Variants in PCDH9 observed in about 807,000 individuals in gnomAD.
PCDH9 encodes the protein protocadherin 9.
PCDH9 carries 24 observed loss-of-function variants against 70.6 expected under a neutral mutation model. The observed-to-expected ratio is 0.34, with a 90% CI of 0.25 to 0.48. The LOEUF (loss-of-function observed/expected upper bound fraction) is 0.48. Among genes scored for constraint, PCDH9 ranks in the 20% least tolerant of loss-of-function variants. PCDH9 has a pLI of 0.99. For missense variants in PCDH9, 1,281 were observed against 1,503.6 expected (o/e 0.85, Z 2.45); for synonymous variants, 562 against 558.5 (o/e 1.01, Z -0.09).
At chr13:67,170,677 C>T (rs1424498947) in intron 2 of PCDH9, among the ~76,000 whole-genome samples, 1 of 152,178 alleles carries the variant, frequency 6.6e-6, no homozygotes, top group East Asian at 1.9e-4. Flanking sequence ...GTAATCCCAG[C>T]ACTTTGGGAG....
chr13:66,412,594 T>TC (rs933141056), intron 4 of PCDH9, among the ~76,000 whole-genome samples: 1 of 152,204 alleles, frequency 6.6e-6, no homozygotes. Flanking sequence ...AACACTTTTT[T>TC]CCCCTCAGTG....
intron 2 of PCDH9, among the ~76,000 whole-genome samples, chr13:67,077,780 A>T (rs917802516): frequency 1.4e-4 from 21 of 152,156 alleles, no homozygotes; most frequent in African/African-American, 4.3e-4. Flanking sequence ...TACCACTAAC[A>T]TTGAGGTCAT....
intron 2 of PCDH9, among the ~76,000 whole-genome samples, chr13:67,084,066 C>T (rs1157905389): frequency 6.6e-6 from 1 of 152,120 alleles, no homozygotes; most frequent in Non-Finnish European, 1.5e-5. Context: ...AAATTTCAGG[C>T]ACTAGCTTGC....
chr13:67,057,128 G>T (rs1281713516), intron 2 of PCDH9, among the ~76,000 whole-genome samples: 1 of 152,054 alleles, frequency 6.6e-6, no homozygotes, highest in African/African-American at 2.4e-5. Flanking sequence ...CTCAACTCAG[G>T]ACACACTATT....
chr13:67,094,382 G>A (rs1172406847), intron 2 of PCDH9, among the ~76,000 whole-genome samples: 1 of 152,124 alleles, frequency 6.6e-6, no homozygotes, highest in Non-Finnish European at 1.5e-5. Flanking sequence ...TATGTAGGTA[G>A]CTCTGCAAAG....
chr13:66,589,382 T>C (rs901189431), intron 4 of PCDH9, among the ~76,000 whole-genome samples: 3 of 152,060 alleles, frequency 2.0e-5, no homozygotes, highest in Admixed American at 6.6e-5. Flanking sequence ...AAGGAGGATA[T>C]ATTTATGATG....
At chr13:66,632,085 G>A (rs2077579045) in intron 3 of PCDH9, among the ~76,000 whole-genome samples, 2 of 152,064 alleles carry the variant, frequency 1.3e-5, no homozygotes, top group African/African-American at 2.4e-5. Context: ...AGTAGAGATG[G>A]GGTTTCACCA....
intron 4 of PCDH9, among the ~76,000 whole-genome samples, chr13:66,617,533 TC>T (rs1488116542): frequency 2.0e-5 from 3 of 152,242 alleles, no homozygotes; most frequent in Admixed American, 2.0e-4. Context: ...AGAGTTAATT[TC>T]CCAAACCTTA....
At chr13:67,206,158 A>AGTTTTTTTTTTTGTTT (rs1293302855) in intron 2 of PCDH9, 1 of 151,720 alleles carries the variant, frequency 6.6e-6, no homozygotes, top group African/African-American at 2.4e-5. Context: ...ATACTGTTAA[A>AGTTTTTTTTTTTGTTT]GTTTTTTTTT....
intron 4 of PCDH9, among the ~76,000 whole-genome samples, chr13:66,614,649 CCAG>C (rs1235478332): frequency 6.6e-6 from 1 of 152,106 alleles, no homozygotes; most frequent in African/African-American, 2.4e-5. Flanking sequence ...CCTGAAGTGT[CCAG>C]AAAAGAGAGG....
chr13:66,439,473 A>G (rs192382276), intron 4 of PCDH9, among the ~76,000 whole-genome samples: 4 of 152,312 alleles, frequency 2.6e-5, no homozygotes, highest in African/African-American at 4.8e-5. Flanking sequence ...ACTATTCAAG[A>G]TGATGGATAT....
intron 2 of PCDH9, among the ~76,000 whole-genome samples, chr13:66,904,723 T>G (rs2082331624): frequency 6.6e-6 from 1 of 152,024 alleles, no homozygotes; most frequent in Admixed American, 6.6e-5. Context: ...CAAATGTGTT[T>G]TAGAATTTTA....
chr13:66,336,873 G>A (rs1237065845), intron 4 of PCDH9, among the ~76,000 whole-genome samples: 4 of 152,022 alleles, frequency 2.6e-5, no homozygotes, highest in Non-Finnish European at 5.9e-5. Flanking sequence ...AATATAGGCA[G>A]TTGGATTAAA....
At chr13:66,812,684 G>A (rs1043098065) in intron 3 of PCDH9, among the ~76,000 whole-genome samples, 1 of 152,174 alleles carries the variant, frequency 6.6e-6, no homozygotes, top group Non-Finnish European at 1.5e-5. Context: ...TTGTTTCCAT[G>A]AGCAGTAACA....
At chr13:66,499,930 C>T (rs1959167878) in intron 4 of PCDH9, among the ~76,000 whole-genome samples, 2 of 152,294 alleles carry the variant, frequency 1.3e-5, no homozygotes, top group East Asian at 1.9e-4. Context: ...GCCTGCCCAT[C>T]CTTTCCCTTC....
intron 4 of PCDH9, among the ~76,000 whole-genome samples, chr13:66,470,617 T>C (rs1043011666): frequency 6.6e-6 from 1 of 151,346 alleles, no homozygotes; most frequent in Non-Finnish European, 1.5e-5. Context: ...TTGTCTATGA[T>C]GAGGTACAAA....
intron 4 of PCDH9, among the ~76,000 whole-genome samples, chr13:66,570,108 A>G (rs1234511751): frequency 6.6e-6 from 1 of 152,132 alleles, no homozygotes; most frequent in African/African-American, 2.4e-5. Context: ...ACATTCAACC[A>G]CTTGGACAAA....
intron 2 of PCDH9, among the ~76,000 whole-genome samples, chr13:67,126,878 T>C (rs1450031948): frequency 6.6e-6 from 1 of 152,162 alleles, no homozygotes; most frequent in African/African-American, 2.4e-5. Flanking sequence ...TAGGGATGTC[T>C]ATAGGCAAAA....
chr13:66,308,293 T>C (rs1955503822), intron 4 of PCDH9, among the ~76,000 whole-genome samples: 1 of 152,086 alleles, frequency 6.6e-6, no homozygotes, highest in Non-Finnish European at 1.5e-5. Flanking sequence ...AATCTTTAAC[T>C]TGCAAAACAT....
Sources: gnomAD v4.1 joint callset for allele counts (sites outside exome capture counted in the v4.1 genomes callset) on GRCh38, gnomAD v4.1.1 for gene constraint, MANE v1.5 for transcripts, NCBI Gene and HGNC (gene_info 2026-07-23, HGNC 2026-07-21) for gene names.